Variants in FREM2 observed in about 807,000 individuals in gnomAD.
FREM2 encodes the protein FRAS1-related extracellular matrix protein 2.
FREM2 carries 119 observed loss-of-function variants against 219.9 expected under a neutral mutation model. The ratio of observed to expected loss-of-function variants is 0.54; its 90% CI spans 0.47 to 0.63. The LOEUF (loss-of-function observed/expected upper bound fraction) is 0.63. FREM2 is among the 30% of genes least tolerant of loss of function. The pLI, the probability that FREM2 is intolerant of heterozygous loss-of-function variation, is 0.00. For missense variants in FREM2, 4,030 were observed against 3,993.6 expected (o/e 1.01, Z -0.25); for synonymous variants, 1,562 against 1,522.8 (o/e 1.03, Z -0.60).
chr13:38,876,766 C>T (rs2137938525), intron 20 of FREM2, among the ~76,000 whole-genome samples: 1 of 152,062 alleles, frequency 6.6e-6, no homozygotes, highest in Non-Finnish European at 1.5e-5. Context: ...ACCTAATTGC[C>T]ATTATGTATT....
At chr13:38,801,687 T>C (rs1443408174) in intron 6 of FREM2, among the ~76,000 whole-genome samples, 1 of 152,202 alleles carries the variant, frequency 6.6e-6, no homozygotes, top group Non-Finnish European at 1.5e-5. Context: ...GGAACTAGGA[T>C]GCTAGGTAGG....
chr13:38,723,819 G>A (rs527696843), intron 2 of FREM2, among the ~76,000 whole-genome samples: 1 of 152,160 alleles, frequency 6.6e-6, no homozygotes, highest in East Asian at 1.9e-4. Flanking sequence ...GAGCTTTATG[G>A]TTTGTAGCTT....
At chr13:38,813,557 C>A (rs371359178) in intron 6 of FREM2, among the ~76,000 whole-genome samples, 518 of 14,512 alleles carry the variant, frequency 0.036, 2 homozygotes, top group African/African-American at 0.048. Context: ...CTCTCTCTCT[C>A]TCTCTCTATA....
intron 1 of FREM2, among the ~76,000 whole-genome samples, chr13:38,695,893 G>A (rs1188061278): frequency 6.6e-6 from 1 of 152,096 alleles, no homozygotes; most frequent in Non-Finnish European, 1.5e-5. Context: ...CCTAAGCAAA[G>A]AGCTGTGGGA....
At chr13:38,731,947 C>A (rs990546489) in intron 2 of FREM2, among the ~76,000 whole-genome samples, 5 of 152,142 alleles carry the variant, frequency 3.3e-5, no homozygotes, top group Admixed American at 3.3e-4. Context: ...GCATTTGATA[C>A]CTGGTATAAA....
chr13:38,690,052 C>T lies in FREM2; in HGVS notation c.2708C>T (p.Ala903Val). The T allele has an allele frequency of 6.2e-7, 1 of 1,613,876 alleles. No homozygotes were observed. Among genetic ancestry groups the T allele is most frequent in the Non-Finnish European group, 8.5e-7 (1 of 1,180,002 alleles). Residue 903 changes from alanine to valine, a missense_variant, in exon 1 of 24, where the codon GCC becomes GTC. Ala to Val is a moderately conservative substitution (Grantham distance 64). This residue lies in a region of FREM2 where 3,102 missense variants were observed against 2,950.7 expected (regional missense o/e 1.05). Coordinates refer to ENST00000280481, the MANE Select transcript of FREM2 (RefSeq NM_207361.6). ...EDIKQGRVSY[A>V]HNGDKSLTDS... is the part of the protein sequence containing the mutation. ...ATAAAACAGGGCCGAGTTTCCTATG[C>T]CCATAATGGGGACAAGTCCCTGACT...
intron 2 of FREM2, among the ~76,000 whole-genome samples, chr13:38,710,803 A>G (rs1454209565): frequency 6.6e-6 from 1 of 152,240 alleles, no homozygotes; most frequent in African/African-American, 2.4e-5. Context: ...TCTAAAGAAA[A>G]ACAGAATAGG....
At chr13:38,872,368 G>T (rs948769278) in intron 16 of FREM2, among the ~76,000 whole-genome samples, 1 of 152,066 alleles carries the variant, frequency 6.6e-6, no homozygotes, top group Admixed American at 6.6e-5. Flanking sequence ...TGATTGTGTT[G>T]GTTGCACAGC....
chr13:38,858,589 C>CT (rs1272740401), intron 13 of FREM2, among the ~76,000 whole-genome samples: 1 of 152,172 alleles, frequency 6.6e-6, no homozygotes, highest in Non-Finnish European at 1.5e-5. Context: ...TTTCTTGACT[C>CT]TAAGTTTAAG....
chr13:38,735,160 A>G (rs1433198335), intron 2 of FREM2, among the ~76,000 whole-genome samples: 1 of 152,216 alleles, frequency 6.6e-6, no homozygotes, highest in East Asian at 1.9e-4. Context: ...GTTGATTTAT[A>G]TGAAGAAACC....
Position 38,690,499 on chromosome 13 carries a change from G to A in FREM2, c.3155G>A (p.Gly1052Glu), listed in dbSNP as rs1419113369. Residue 1052 changes from glycine (G) to glutamate (E), a missense_variant, in exon 1 of 24, where the codon GGA becomes GAA. By Grantham distance (98) the Gly-to-Glu change is moderately conservative. Coordinates refer to ENST00000280481, the MANE Select transcript of FREM2 (RefSeq NM_207361.6). ...AGAATTGGTGGCAATACTATCCAAG[G>A]AGTTACTATATGGGTGACCATCCTG... Reference protein sequence around the residue: ...EWRIGGNTIQGVTIWVTILPV... With the variant: ...EWRIGGNTIQEVTIWVTILPV... 5.0e-6 allele frequency: 8 copies of A among 1,614,084 alleles called. No homozygotes were observed. The African/African-American group carries it at 6.7e-5, about 13-fold the overall frequency.
chr13:38,819,817 C>T (rs1465149126), intron 6 of FREM2, among the ~76,000 whole-genome samples: 3 of 151,950 alleles, frequency 2.0e-5, no homozygotes, highest in African/African-American at 7.3e-5. Context: ...GTCAAACAGC[C>T]GGTAAGCATT....
At chr13:38,852,891 A>T (rs1030455956) in intron 11 of FREM2, among the ~76,000 whole-genome samples, 2 of 151,792 alleles carry the variant, frequency 1.3e-5, no homozygotes, top group African/African-American at 4.8e-5. Context: ...TTTTTGGTAG[A>T]GATGGGGTTT....
rs187621840 is a variant in FREM2 at position 38,862,664 on chromosome 13, A to G, written c.7651+1102A>G. ...AGGTGTGAAAGGCTCAAAGAGAAGA[A>G]CTGGTTCATAGTCTTTTGCTGTATT... On this transcript the variant is annotated intron_variant, in intron 15 of 23. Coordinates refer to ENST00000280481, the MANE Select transcript of FREM2 (RefSeq NM_207361.6). Among the ~76,000 whole-genome samples, 39 of 152,298 alleles carry G rather than the reference A, an allele frequency of 2.6e-4. No individual in the cohort carries two copies. The East Asian group carries it at 6.8e-3, about 26-fold the overall frequency.
At chr13:38,836,861 G>A (rs1017628417) in intron 6 of FREM2, among the ~76,000 whole-genome samples, 4 of 151,960 alleles carry the variant, frequency 2.6e-5, no homozygotes. Flanking sequence ...GTGGCTAGTG[G>A]TGTATCTATT....
intron 6 of FREM2, among the ~76,000 whole-genome samples, chr13:38,809,092 T>A (rs1451243843): frequency 6.6e-6 from 1 of 151,736 alleles, no homozygotes; most frequent in Non-Finnish European, 1.5e-5. Context: ...TTTAAAATTG[T>A]TATTTTTTTT....
intron 2 of FREM2, among the ~76,000 whole-genome samples, chr13:38,739,654 C>T (rs966921872): frequency 2.0e-5 from 3 of 152,122 alleles, no homozygotes; most frequent in African/African-American, 4.8e-5. Context: ...TTCACTGGCT[C>T]TTTCGTGGTC....
In FREM2 at chr13:38,784,710, A is replaced by C; in HGVS notation, c.5921A>C (p.Glu1974Ala). 1 of 1,614,186 alleles carries C rather than the reference A, an allele frequency of 6.2e-7. No homozygotes were observed. The highest frequency in any genetic ancestry group is 1.1e-5 in the South Asian group (1 of 91,084). ...ATTGATGACTCTTTGTACGAGGAGGAGGAAACCTTCCATGTCCTTCTGAGC... is the reference window on the plus strand; with the variant it reads ...ATTGATGACTCTTTGTACGAGGAGGCGGAAACCTTCCATGTCCTTCTGAGC... ...VIIDDSLYEE[E>A]ETFHVLLSMP... Residue 1974 changes from glutamate to alanine, a missense_variant, in exon 6 of 24, where the codon GAG becomes GCG. By Grantham distance (107) the Glu-to-Ala change is moderately radical (BLOSUM62 -1). Coordinates refer to ENST00000280481, the MANE Select transcript of FREM2 (RefSeq NM_207361.6).
At chr13:38,873,354 T>C (rs1878231242) in intron 17 of FREM2, among the ~76,000 whole-genome samples, 1 of 152,214 alleles carries the variant, frequency 6.6e-6, no homozygotes, top group Non-Finnish European at 1.5e-5. Context: ...AAATACAAAT[T>C]ATGGCCTGAA....
Sources: allele counts gnomAD v4.1 joint callset (sites outside exome capture counted in the v4.1 genomes callset), GRCh38; gene constraint gnomAD v4.1.1; regional missense constraint gnomAD v4.1.1; transcripts MANE v1.5; gene names NCBI Gene and HGNC (gene_info 2026-07-23, HGNC 2026-07-21).